Variants in SHISAL1 observed in about 807,000 individuals in gnomAD.
The protein encoded by SHISAL1 is shisa like 1, also known as protein shisa-like-1.
Under a neutral mutation model 22.6 loss-of-function variants are expected in SHISAL1, and 9 were observed. The observed-to-expected ratio is 0.40, with a 90% CI of 0.24 to 0.70. The LOEUF (loss-of-function observed/expected upper bound fraction) is 0.70, where lower values mean the gene tolerates loss of function less well. SHISAL1 is among the 30% of genes least tolerant of loss of function. The pLI, the probability that SHISAL1 is intolerant of heterozygous loss-of-function variation, is 0.39. For synonymous variants in SHISAL1, 119 were observed against 115.4 expected, an observed-to-expected ratio of 1.03 and a Z score of -0.20; for missense variants, 246 against 270.6, an observed-to-expected ratio of 0.91 and a Z score of 0.64.
At chr22:44,322,134 C>T in the SHISAL1 span, among the ~76,000 whole-genome samples, 7 of 152,222 alleles carry the variant, frequency 4.6e-5, no homozygotes, top group Non-Finnish European at 2.9e-5. Context: ...ATAGTGGCTG[C>T]GTGCCCTTGG....
intron 4 of SHISAL1, among the ~76,000 whole-genome samples, chr22:44,281,071 A>C (rs1410070780): frequency 1.3e-5 from 2 of 151,984 alleles, no homozygotes; most frequent in Non-Finnish European, 2.9e-5. Context: ...TGCCCCCTCC[A>C]CTGCTTGCTC....
chr22:44,251,733 A>T (rs1167793902), intron 4 of SHISAL1, among the ~76,000 whole-genome samples: 1 of 152,148 alleles, frequency 6.6e-6, no homozygotes, highest in Non-Finnish European at 1.5e-5. Flanking sequence ...TCACCATGAG[A>T]ACAGCATGGG....
rs896208130 is a variant in SHISAL1 at position 44,296,773 on chromosome 22, A to G, written c.180T>C (p.Cys60=). 6.2e-7 allele frequency: 1 copy of G among 1,613,998 alleles called. No individual in the cohort carries two copies. Among genetic ancestry groups the G allele is most frequent in the Non-Finnish European group, 8.5e-7 (1 of 1,180,036 alleles). The part of the protein sequence containing the change: ...LSDNKTFILC[C]HHNNTVFKYC... ...ATTTGAAGACCGTGTTGTTATGGTG[A>G]CAACAGAGGATGAAGGTCTTGTTGT... The change falls in exon 3 of 5, where the codon TGT becomes TGC. Residue 60 remains cysteine (C), a synonymous_variant. Coordinates refer to ENST00000381176, the MANE Select transcript of SHISAL1 (RefSeq NM_001099294.2).
chr22:44,317,793 G>A (rs117162582), upstream of SHISAL1, among the ~76,000 whole-genome samples: 33 of 152,324 alleles, frequency 2.2e-4, no homozygotes, highest in East Asian at 5.4e-3. Flanking sequence ...GTCCTCCCCC[G>A]CAGCATAGCA....
chr22:44,257,012 C>T lies in SHISAL1; in HGVS notation c.*-7327G>A, dbSNP rs371285554. On this transcript the variant is annotated intron_variant, in intron 4 of 4. Coordinates refer to ENST00000381176, the MANE Select transcript of SHISAL1 (RefSeq NM_001099294.2). ...ATGAGAGAGGATTTCAGAGCGCAGA[C>T]AAAAGGGAGCATCTGCATTCCTTCA... Among the ~76,000 whole-genome samples, 5 of 152,306 alleles carry T rather than the reference C, an allele frequency of 3.3e-5. No individual in the cohort carries two copies. The East Asian group carries it at 7.7e-4, about 24-fold the overall frequency.
chr22:44,291,414 C>T (rs1255470215), intron 3 of SHISAL1, among the ~76,000 whole-genome samples: 6 of 152,200 alleles, frequency 3.9e-5, no homozygotes, highest in African/African-American at 1.4e-4. Context: ...GCAGGCAGGG[C>T]TTCACCCTCT....
intron 4 of SHISAL1, among the ~76,000 whole-genome samples, chr22:44,271,700 G>C: frequency 6.6e-6 from 1 of 152,172 alleles, no homozygotes; most frequent in South Asian, 2.1e-4. Context: ...CCTAATCTGG[G>C]AGCCGGGCCT....
chr22:44,315,318 C>T (rs565826616), upstream of SHISAL1, among the ~76,000 whole-genome samples: 1 of 152,048 alleles, frequency 6.6e-6, no homozygotes, highest in Non-Finnish European at 1.5e-5. Flanking sequence ...ACAGGCCCAC[C>T]CCTCTGGGCA....
At chr22:44,302,605 C>A (rs1027562287) in intron 1 of SHISAL1, among the ~76,000 whole-genome samples, 3 of 151,910 alleles carry the variant, frequency 2.0e-5, no homozygotes, top group Non-Finnish European at 4.4e-5. Flanking sequence ...GTGCTGCACA[C>A]GGAGGGATAG....
At chr22:44,284,603 C>G (rs73430800) in intron 4 of SHISAL1, among the ~76,000 whole-genome samples, 1 of 152,080 alleles carries the variant, frequency 6.6e-6, no homozygotes, top group Non-Finnish European at 1.5e-5. Context: ...ACAGAGCATC[C>G]GAACCTCTCA....
At chr22:44,296,979 C>A in intron 2 of SHISAL1, 94 bp from the exon 3 acceptor site, 1 of 921,344 alleles carries the variant, frequency 1.1e-6, no homozygotes, top group Non-Finnish European at 1.7e-6. Context: ...TCAGGTCCTG[C>A]CTGCTTCTTC....
intron 4 of SHISAL1, among the ~76,000 whole-genome samples, chr22:44,252,440 G>A (rs6006502): frequency 4.0e-5 from 6 of 151,892 alleles, no homozygotes; most frequent in African/African-American, 7.2e-5. Flanking sequence ...GATCAAAAAC[G>A]CAGCTTTCCA....
intron 3 of SHISAL1, among the ~76,000 whole-genome samples, chr22:44,289,077 T>C (rs2147293467): frequency 6.6e-6 from 1 of 152,344 alleles, no homozygotes; most frequent in East Asian, 1.9e-4. Flanking sequence ...AGGCTGCATG[T>C]CTTGTGCGCC....
intron 1 of SHISAL1, among the ~76,000 whole-genome samples, chr22:44,304,497 C>T (rs1368965623): frequency 6.6e-6 from 1 of 152,190 alleles, no homozygotes; most frequent in African/African-American, 2.4e-5. Context: ...GCCTCTAACA[C>T]TAAGCTTACT....
Position 44,247,255 on chromosome 22 carries a change from G to T in SHISAL1, c.*2430C>A, listed in dbSNP as rs1037852813. 8 of 152,196 alleles carry T rather than the reference G, an allele frequency of 5.3e-5. No homozygotes were observed. Among genetic ancestry groups the T allele is most frequent in the African/African-American group, 1.9e-4 (8 of 41,410 alleles). The allele number at this position is 152,196 out of a possible 1,614,324, so 9.4% of individuals were successfully genotyped here. ...ATCTGACTCCTTCCTCTTACCGATG[G>T]GGAAACTGAGGTAACAGACCTTGCC... On this transcript the variant is annotated 3_prime_UTR_variant, in exon 5 of 5. Coordinates refer to ENST00000381176, the MANE Select transcript of SHISAL1 (RefSeq NM_001099294.2).
intron 2 of SHISAL1, among the ~76,000 whole-genome samples, chr22:44,299,929 C>T (rs2055414826): frequency 6.9e-6 from 1 of 145,730 alleles, no homozygotes; most frequent in Non-Finnish European, 1.5e-5. Flanking sequence ...CAGAGACAGA[C>T]ACAGAGACAC....
upstream of SHISAL1, among the ~76,000 whole-genome samples, chr22:44,317,313 C>T (rs990470726): frequency 5.9e-5 from 9 of 152,186 alleles, no homozygotes; most frequent in African/African-American, 1.4e-4. Context: ...CACACCGGCC[C>T]GCAGCAAGCC....
chr22:44,296,105 T>C (rs923668318), intron 3 of SHISAL1, among the ~76,000 whole-genome samples: 4 of 152,132 alleles, frequency 2.6e-5, no homozygotes, highest in Non-Finnish European at 5.9e-5. Flanking sequence ...TCACTTAGCT[T>C]CTATGGTAAC....
At chr22:44,309,007 G>A (rs1301185524) in intron 1 of SHISAL1, among the ~76,000 whole-genome samples, 1 of 152,204 alleles carries the variant, frequency 6.6e-6, no homozygotes, top group Non-Finnish European at 1.5e-5. Context: ...CTGGGCCTTT[G>A]CCCAGCTGGT....
Sources: gnomAD v4.1 joint callset for allele counts (sites outside exome capture counted in the v4.1 genomes callset) on GRCh38, gnomAD v4.1.1 for gene constraint, MANE v1.5 for transcripts, NCBI Gene and HGNC (gene_info 2026-07-23, HGNC 2026-07-21) for gene names.